SYT1: variants seen among roughly 807,000 people sequenced by gnomAD.
SYT1 encodes the protein synaptotagmin-1.
A neutral mutation model predicts 44.8 loss-of-function variants in SYT1; 8 were observed. The ratio of observed to expected loss-of-function variants is 0.18; its 90% CI spans 0.10 to 0.32. The LOEUF (loss-of-function observed/expected upper bound fraction) is 0.32, where lower values mean the gene tolerates loss of function less well. Ranked by LOEUF, SYT1 falls within the 10% of genes least tolerant of loss-of-function variation. The pLI, the probability that SYT1 is intolerant of heterozygous loss-of-function variation, is 1.00. For synonymous variants in SYT1, 154 were observed against 188.8 expected, an observed-to-expected ratio of 0.82 and a Z score of 1.51; for missense variants, 286 against 509.3, an observed-to-expected ratio of 0.56 and a Z score of 4.22.
chr12:79,241,444 G>A (rs1270699561), intron 4 of SYT1, among the ~76,000 whole-genome samples: 1 of 151,914 alleles, frequency 6.6e-6, no homozygotes, highest in East Asian at 1.9e-4. Flanking sequence ...CTAATTTTTT[G>A]TATTTTTAGT....
chr12:79,379,124 A>G (rs1403873243), intron 9 of SYT1, among the ~76,000 whole-genome samples: 2 of 152,266 alleles, frequency 1.3e-5, no homozygotes, highest in African/African-American at 4.8e-5. Context: ...GAGAATTTCC[A>G]TCCTCATTTT....
intron 3 of SYT1, among the ~76,000 whole-genome samples, chr12:79,178,517 T>C (rs1286286217): frequency 2.0e-5 from 3 of 152,008 alleles, no homozygotes; most frequent in Non-Finnish European, 4.4e-5. Flanking sequence ...CAGACATTTG[T>C]TTTTTGTTTT....
intron 1 of SYT1, among the ~76,000 whole-genome samples, chr12:78,882,132 C>T (rs1160037859): frequency 1.3e-5 from 2 of 151,794 alleles, no homozygotes; most frequent in African/African-American, 4.8e-5. Flanking sequence ...TTACACTCAA[C>T]ACCTGACACA....
chr12:79,202,664 T>C (rs1380418069), intron 3 of SYT1, among the ~76,000 whole-genome samples: 2 of 152,178 alleles, frequency 1.3e-5, no homozygotes, highest in African/African-American at 4.8e-5. Context: ...CCGGATTTAT[T>C]TGTAGAGTAC....
chr12:78,876,742 T>A lies in SYT1; in HGVS notation c.-217+11633T>A, dbSNP rs1257958540. Among the ~76,000 whole-genome samples, 232 of 75,356 alleles carry A rather than the reference T, an allele frequency of 3.1e-3. 1 individual carries two copies. Among genetic ancestry groups the A allele is most frequent in the African/African-American group, 9.7e-3 (129 of 13,320 alleles). The allele number at this position is 75,356 out of a possible 152,430, so 49.4% of individuals were successfully genotyped here. ...ATATAATATAATTATATATTATATA[T>A]TATATATTGTATATTATATATATTA... On this transcript the variant is annotated intron_variant, in intron 1 of 10. Coordinates refer to ENST00000261205, the MANE Select transcript of SYT1 (RefSeq NM_005639.3).
intron 6 of SYT1, among the ~76,000 whole-genome samples, chr12:79,294,999 G>A (rs1879810862): frequency 6.6e-6 from 1 of 151,980 alleles, no homozygotes; most frequent in Non-Finnish European, 1.5e-5. Flanking sequence ...TTAAGTACAC[G>A]GTGGGTCACA....
At chr12:79,231,377 C>T (rs73349429) in intron 4 of SYT1, among the ~76,000 whole-genome samples, 6,974 of 152,038 alleles carry the variant, frequency 0.046, 307 homozygotes, top group East Asian at 0.12. Context: ...TGAAAGATTT[C>T]CTCACTAAGC....
At chr12:79,411,068 T>G (rs1868401643) in intron 9 of SYT1, among the ~76,000 whole-genome samples, 1 of 152,154 alleles carries the variant, frequency 6.6e-6, no homozygotes, top group African/African-American at 2.4e-5. Context: ...AAAATAACAA[T>G]GATGTAAATG....
chr12:79,014,333 T>A (rs888242269), intron 2 of SYT1, among the ~76,000 whole-genome samples: 1 of 152,104 alleles, frequency 6.6e-6, no homozygotes, highest in African/African-American at 2.4e-5. Flanking sequence ...TTTATACTAT[T>A]TAGAATAATG....
intron 8 of SYT1, among the ~76,000 whole-genome samples, chr12:79,344,339 C>G (rs954995985): frequency 3.9e-5 from 6 of 152,172 alleles, no homozygotes; most frequent in African/African-American, 1.4e-4. Flanking sequence ...AGAACAGTGC[C>G]TGGCACAGAG....
chr12:79,322,711 A>G (rs1328195596), intron 8 of SYT1, among the ~76,000 whole-genome samples: 1 of 152,134 alleles, frequency 6.6e-6, no homozygotes, highest in East Asian at 1.9e-4. Context: ...CTTAAAATAG[A>G]ACCAGAATCT....
intron 8 of SYT1, among the ~76,000 whole-genome samples, chr12:79,318,251 G>C (rs1172480815): frequency 1.3e-5 from 2 of 152,104 alleles, no homozygotes; most frequent in Admixed American, 6.6e-5. Context: ...CCTCCGGAGG[G>C]CCTGTTTAAT....
At chr12:79,278,411 A>T (rs1878856618) in intron 4 of SYT1, among the ~76,000 whole-genome samples, 1 of 152,096 alleles carries the variant, frequency 6.6e-6, no homozygotes, top group Non-Finnish European at 1.5e-5. Context: ...CTTCTGAATG[A>T]TCTTTGGGTC....
intron 8 of SYT1, among the ~76,000 whole-genome samples, chr12:79,346,176 T>C (rs564475753): frequency 6.6e-6 from 1 of 152,350 alleles, no homozygotes; most frequent in Admixed American, 6.5e-5. Context: ...AGCCATTAAA[T>C]AAATATTCAT....
chr12:79,157,467 C>T (rs1045810124), intron 3 of SYT1, among the ~76,000 whole-genome samples: 4 of 152,122 alleles, frequency 2.6e-5, no homozygotes, highest in African/African-American at 9.7e-5. Flanking sequence ...AAAAGTCCCC[C>T]ACTTTAAATG....
intron 8 of SYT1, among the ~76,000 whole-genome samples, chr12:79,328,614 AG>A (rs1288682078): frequency 6.6e-6 from 1 of 152,176 alleles, no homozygotes; most frequent in Non-Finnish European, 1.5e-5. Context: ...TGGGAGGCTG[AG>A]GCGGGCAGAT....
chr12:79,398,345 T>C (rs780287483), intron 9 of SYT1, among the ~76,000 whole-genome samples: 1 of 152,230 alleles, frequency 6.6e-6, no homozygotes, highest in Non-Finnish European at 1.5e-5. Context: ...TTAAATACTG[T>C]CTTAAAATAT....
chr12:79,074,708 C>A (rs1876517891), intron 3 of SYT1, among the ~76,000 whole-genome samples: 1 of 152,116 alleles, frequency 6.6e-6, no homozygotes, highest in Admixed American at 6.6e-5. Flanking sequence ...TATTATCATG[C>A]TTCTTGACAC....
At chr12:79,103,551 T>C (rs1878548996) in intron 3 of SYT1, among the ~76,000 whole-genome samples, 1 of 152,084 alleles carries the variant, frequency 6.6e-6, no homozygotes, top group Admixed American at 6.5e-5. Flanking sequence ...TATTCTTTTA[T>C]GTAAGTAAAT....
Sources: allele counts gnomAD v4.1 joint callset (sites outside exome capture counted in the v4.1 genomes callset), GRCh38; gene constraint gnomAD v4.1.1; transcripts MANE v1.5; gene names NCBI Gene and HGNC (gene_info 2026-07-23, HGNC 2026-07-21).